ENTPD7: variants seen among roughly 807,000 people sequenced by gnomAD.
ENTPD7 encodes the protein ectonucleoside triphosphate diphosphohydrolase 7.
In ENTPD7, 53 loss-of-function variants were observed where a neutral mutation model predicts 77.9. The ratio of observed to expected loss-of-function variants is 0.68; its 90% CI spans 0.55 to 0.85. The LOEUF is 0.85. Ranked by LOEUF, ENTPD7 falls within the 40% of genes least tolerant of loss-of-function variation. The probability of loss-of-function intolerance (pLI) is 0.00; values close to 1 mark genes in which losing one functional copy is unlikely to be tolerated. For missense variants in ENTPD7, 636 were observed against 743.7 expected, an observed-to-expected ratio of 0.86 and a Z score of 1.68; for synonymous variants, 248 against 274.9, an observed-to-expected ratio of 0.90 and a Z score of 0.97.
At chr10:99,660,736 C>T (rs1484382044) in intron 2 of ENTPD7, among the ~76,000 whole-genome samples, 1 of 152,014 alleles carries the variant, frequency 6.6e-6, no homozygotes, top group Non-Finnish European at 1.5e-5. Context: ...ACCAGCCTGG[C>T]CAAGTAGAAA....
chr10:99,679,816 G>A lies in ENTPD7; in HGVS notation c.489G>A (p.Lys163=). 1.2e-6 allele frequency: 2 copies of A among 1,614,196 alleles called. No individual in the cohort carries two copies. Among genetic ancestry groups the A allele is most frequent in the Non-Finnish European group, 1.7e-6 (2 of 1,180,032 alleles). Reference sequence around the variant, plus strand: ...CTGCTGCTCATGTGCCTGTGAAGAAGCACAAGGAGACCCCTCTTTACATCC... The same window carrying A: ...CTGCTGCTCATGTGCCTGTGAAGAAACACAAGGAGACCCCTCTTTACATCC... The part of the protein sequence containing the change: ...SFAAAHVPVK[K]HKETPLYILC... Residue 163 remains lysine (K), a synonymous_variant, in exon 5 of 13, where the codon AAG becomes AAA. Coordinates refer to ENST00000370489, the MANE Select transcript of ENTPD7 (RefSeq NM_020354.5).
In ENTPD7 at chr10:99,698,610, G is replaced by T; in HGVS notation, c.1087G>T (p.Val363Leu). 6.2e-7 allele frequency: 1 copy of T among 1,614,216 alleles called. No individual in the cohort carries two copies. The highest frequency in any genetic ancestry group is 8.5e-7 in the Non-Finnish European group (1 of 1,180,044). The change falls in exon 10 of 13, where the codon GTG becomes TTG. Residue 363 changes from valine (V) to leucine (L), a missense_variant. Val to Leu is a conservative substitution (Grantham distance 32). Around this residue, in one of 3 missense-constraint regions of ENTPD7, gnomAD observed 486 missense variants for 556.5 expected, o/e 0.87. Coordinates refer to ENST00000370489, the MANE Select transcript of ENTPD7 (RefSeq NM_020354.5). Reference sequence around the variant, plus strand: ...CTGCCTGCCAGTGGGACTCACAGATGTGGTGGAGAGGAACAGCCAAGTCTT... The same window carrying T: ...CTGCCTGCCAGTGGGACTCACAGATTTGGTGGAGAGGAACAGCCAAGTCTT... The part of the protein sequence containing the change: ...DPCLPVGLTD[V>L]VERNSQVLHV...
rs11444813 is a variant in ENTPD7, at chr10:99,678,776, CAA to C, written c.192-471_192-470del. Among the ~76,000 whole-genome samples the C allele has an allele frequency of 3.6e-3, 453 of 126,204 alleles. 3 individuals carry two copies. The highest frequency in any genetic ancestry group is 0.013 in the African/African-American group (431 of 33,054). 82.8% of individuals were successfully genotyped at this position (126,204 alleles called of 152,430 possible). ...TGGGTGACAGAATAAGACTCCGTCTCAAAAAAAAAAAAAAATCACCTCCCAGA... is the reference window on the plus strand; with the variant it reads ...TGGGTGACAGAATAAGACTCCGTCTCAAAAAAAAAAAAATCACCTCCCAGA... On this transcript the variant is annotated intron_variant, in intron 3 of 12. Coordinates refer to ENST00000370489, the MANE Select transcript of ENTPD7 (RefSeq NM_020354.5).
At position 99,700,800 on chromosome 10, in the gene ENTPD7, G is replaced by A. The variant is rs988546051; in HGVS notation, c.1336-173G>A. ...GGCTTGGTGCTAGACATGGGATGAC[G>A]GGAATAAACAGGGGTATGACGCAGT... On this transcript the variant is annotated intron_variant, in intron 10 of 12. Transcript: ENST00000370489. 1.9e-4 allele frequency: 126 copies of A among 661,156 alleles called. 1 individual carries two copies. Among genetic ancestry groups the A allele is most frequent in the Non-Finnish European group, 3.0e-4 (110 of 367,294 alleles). The allele number at this position is 661,156 out of a possible 1,614,324, so 41.0% of individuals were successfully genotyped here.
intron 12 of ENTPD7, 22 bp from the exon 13 acceptor site, chr10:99,704,430 C>A: frequency 6.2e-7 from 1 of 1,613,166 alleles, no homozygotes; most frequent in Non-Finnish European, 8.5e-7. Flanking sequence ...TTTCCACCTA[C>A]AAATTCTTAA....
chr10:99,679,962 G>A, intron 5 of ENTPD7, 87 bp downstream of exon 5: 1 of 1,468,292 alleles, frequency 6.8e-7, no homozygotes, highest in Non-Finnish European at 9.1e-7. Flanking sequence ...GTGGTTCCCT[G>A]GTCTATACCC....
chr10:99,693,908 A>C (rs1590051558), intron 8 of ENTPD7, among the ~76,000 whole-genome samples: 1 of 150,704 alleles, frequency 6.6e-6, no homozygotes, highest in Non-Finnish European at 1.5e-5. Context: ...ACAGAGTGAG[A>C]CCCCATCTCA....
At chr10:99,693,208 G>A (rs1216631240) in intron 8 of ENTPD7, among the ~76,000 whole-genome samples, 1 of 152,186 alleles carries the variant, frequency 6.6e-6, no homozygotes, top group African/African-American at 2.4e-5. Flanking sequence ...TAAGCAAACA[G>A]TATTGTCCTG....
chr10:99,682,348 T>C (rs918850917), intron 5 of ENTPD7, among the ~76,000 whole-genome samples: 2 of 152,252 alleles, frequency 1.3e-5, no homozygotes, highest in Admixed American at 6.5e-5. Flanking sequence ...GCAATGCTTC[T>C]TTCAGTGGAC....
intron 3 of ENTPD7, among the ~76,000 whole-genome samples, chr10:99,669,765 T>G (rs866004531): frequency 3.5e-3 from 497 of 143,656 alleles, no homozygotes; most frequent in Middle Eastern, 0.014. Flanking sequence ...TTTTTTTTTT[T>G]TTGAGACAGA....
chr10:99,687,259 C>CTTTCTTTCT (rs1223628237), intron 6 of ENTPD7, among the ~76,000 whole-genome samples: 3 of 29,522 alleles, frequency 1.0e-4, no homozygotes, highest in African/African-American at 1.4e-4. Context: ...TTCTTTCTTT[C>CTTTCTTTCT]TTTTTTTTTT....
At position 99,669,753 on chromosome 10, in the gene ENTPD7, T is replaced by G. The variant is rs543378976; in HGVS notation, c.191+8125T>G. On this transcript the variant is annotated intron_variant, in intron 3 of 12. Transcript: ENST00000370489. ...GTTAGATGTGTGGTTTTTTTTTTTT[T>G]TTTTTTTTTTTTTTGAGACAGAGTC... is the stretch of plus-strand genomic sequence containing the variant. 8.5e-5 allele frequency among the ~76,000 whole-genome samples: 11 copies of G among 129,016 alleles called. No homozygotes were observed. The East Asian group carries it at 1.3e-3, about 15-fold the overall frequency. 84.6% of individuals were successfully genotyped at this position (129,016 alleles called of 152,430 possible). A position where few individuals can be genotyped will look rare whatever the true frequency, so the allele number is the denominator to read the frequency against.
chr10:99,677,239 G>C (rs2035693397), intron 3 of ENTPD7, among the ~76,000 whole-genome samples: 1 of 151,974 alleles, frequency 6.6e-6, no homozygotes, highest in South Asian at 2.1e-4. Context: ...TTAAAAGAAG[G>C]CTTTCCAAAT....
intron 3 of ENTPD7, among the ~76,000 whole-genome samples, chr10:99,662,019 T>C (rs2035493544): frequency 6.6e-6 from 1 of 152,228 alleles, no homozygotes; most frequent in Admixed American, 6.5e-5. Context: ...TTGATTAACA[T>C]TAGCATGACA....
rs938546029 is a variant in ENTPD7 at position 99,708,660 on chromosome 10, C to T, written c.*3977C>T. 14 of 249,712 alleles carry T rather than the reference C, an allele frequency of 5.6e-5. No homozygotes were observed. Among genetic ancestry groups the T allele is most frequent in the African/African-American group, 3.0e-4 (13 of 43,242 alleles). The allele number at this position is 249,712 out of a possible 1,614,324, so 15.5% of individuals were successfully genotyped here. ...AAAGAGCCTCCTATTTTATCCATAACCCCTGATGATAAGGTTGGTGGGAAC... is the reference window on the plus strand; with the variant it reads ...AAAGAGCCTCCTATTTTATCCATAATCCCTGATGATAAGGTTGGTGGGAAC... On this transcript the variant is annotated 3_prime_UTR_variant, in exon 13 of 13. Transcript: ENST00000370489.
Position 99,698,610 on chromosome 10 carries a change from G to A in ENTPD7, c.1087G>A (p.Val363Met), listed in dbSNP as rs1356984913. 2 of 1,614,216 alleles carry A rather than the reference G, an allele frequency of 1.2e-6. No individual in the cohort carries two copies. Among genetic ancestry groups the A allele is most frequent in the East Asian group, 2.2e-5 (1 of 44,886 alleles). The change falls in exon 10 of 13, where the codon GTG becomes ATG. Residue 363 changes from valine to methionine, a missense_variant. By Grantham distance (21) the Val-to-Met change is conservative. Coordinates refer to ENST00000370489, the MANE Select transcript of ENTPD7 (RefSeq NM_020354.5). ...CTGCCTGCCAGTGGGACTCACAGATGTGGTGGAGAGGAACAGCCAAGTCTT... is the reference window on the plus strand; with the variant it reads ...CTGCCTGCCAGTGGGACTCACAGATATGGTGGAGAGGAACAGCCAAGTCTT... The part of the protein sequence containing the change: ...DPCLPVGLTD[V>M]VERNSQVLHV...
chr10:99,676,351 G>A (rs926299681), intron 3 of ENTPD7, among the ~76,000 whole-genome samples: 3 of 151,986 alleles, frequency 2.0e-5, no homozygotes, highest in Non-Finnish European at 4.4e-5. Flanking sequence ...GCTCTTTGGG[G>A]TTCAATAAGT....
In ENTPD7 at chr10:99,702,606, G is replaced by C. The variant is rs1369457717; in HGVS notation, c.1516G>C (p.Val506Leu). ...CCCAAACCTGCGGACAGCCCAGCTG[G>C]TGTATGACCGAGAGGTTCAGTGGAC... Reference protein sequence around the residue: ...DYPNLRTAQLVYDREVQWTLG... With the variant: ...DYPNLRTAQLLYDREVQWTLG... The change falls in exon 12 of 13, where the codon GTG becomes CTG. Residue 506 changes from valine (V) to leucine (L), a missense_variant. Physicochemically the swap from Val to Leu is conservative, Grantham distance 32. Coordinates refer to ENST00000370489, the MANE Select transcript of ENTPD7 (RefSeq NM_020354.5). 1.2e-6 allele frequency: 2 copies of C among 1,613,820 alleles called. No individual in the cohort carries two copies. Among genetic ancestry groups the C allele is most frequent in the African/African-American group, 2.7e-5 (2 of 75,032 alleles).
rs192736901 is a variant in ENTPD7 at position 99,705,009 on chromosome 10, A to G, written c.*326A>G. Reference sequence around the variant, plus strand: ...TCACCTTTTCTTCCCTTGCTAAAGCATGAAGTTTGGCATTTGGCACACTGG... The same window carrying G: ...TCACCTTTTCTTCCCTTGCTAAAGCGTGAAGTTTGGCATTTGGCACACTGG... On this transcript the variant is annotated 3_prime_UTR_variant, in exon 13 of 13. Coordinates refer to ENST00000370489, the MANE Select transcript of ENTPD7 (RefSeq NM_020354.5). 3.7e-4 allele frequency: 112 copies of G among 299,884 alleles called. No individual in the cohort carries two copies. Among genetic ancestry groups the G allele is most frequent in the Admixed American group, 7.3e-4 (16 of 21,996 alleles). The allele number at this position is 299,884 out of a possible 1,614,324, so 18.6% of individuals were successfully genotyped here. A position where few individuals can be genotyped will look rare whatever the true frequency, so the allele number is the denominator to read the frequency against.
Sources: allele counts gnomAD v4.1 joint callset (sites outside exome capture counted in the v4.1 genomes callset), GRCh38; gene constraint gnomAD v4.1.1; regional missense constraint gnomAD v4.1.1; transcripts MANE v1.5; gene names NCBI Gene and HGNC (gene_info 2026-07-23, HGNC 2026-07-21).